The following MYO7B variants were observed in gnomAD, a reference collection of about 807,000 sequenced individuals.
The protein encoded by MYO7B is myosin VIIB, also known as unconventional myosin-VIIb.
A neutral mutation model predicts 259.7 loss-of-function variants in MYO7B; 212 were observed. The ratio of observed to expected loss-of-function variants is 0.82; its 90% CI spans 0.73 to 0.91. The LOEUF (loss-of-function observed/expected upper bound fraction) is 0.91. Among genes scored for constraint, MYO7B ranks in the 40% least tolerant of loss-of-function variants. The pLI is 0.00. For missense variants in MYO7B, 2,732 were observed against 2,813.5 expected (o/e 0.97, Z 0.66); for synonymous variants, 1,197 against 1,166.4 (o/e 1.03, Z -0.54).
intron 30 of MYO7B, 117 bp downstream of exon 30, chr2:127,624,437 T>C (rs1573710317): frequency 8.5e-6 from 7 of 825,266 alleles, no homozygotes; most frequent in South Asian, 3.5e-5. Context: ...GGAAAGGGGG[T>C]CACAAGGGTG....
chr2:127,619,822 C>T (rs1388765626), intron 26 of MYO7B, among the ~76,000 whole-genome samples: 1 of 152,036 alleles, frequency 6.6e-6, no homozygotes, highest in Non-Finnish European at 1.5e-5. Context: ...GAGAACCGCC[C>T]CCAACACACC....
At chr2:127,555,360 G>A (rs1384335255) in intron 1 of MYO7B, among the ~76,000 whole-genome samples, 2 of 152,070 alleles carry the variant, frequency 1.3e-5, no homozygotes, top group Non-Finnish European at 2.9e-5. Flanking sequence ...TCTTTTGTGG[G>A]TTTTTGTTGT....
In MYO7B at chr2:127,632,265, T is replaced by C; in HGVS notation, c.5269T>C (p.Trp1757Arg). 1 of 1,611,990 alleles carries C rather than the reference T, an allele frequency of 6.2e-7. No individual in the cohort carries two copies. The highest frequency in any genetic ancestry group is 8.5e-7 in the Non-Finnish European group (1 of 1,179,578). The change falls in exon 39 of 48, where the codon TGG (tryptophan) becomes CGG (arginine). Residue 1757 changes from tryptophan to arginine, a missense_variant. Physicochemically the swap from Trp to Arg is moderately radical, Grantham distance 101. Around this residue, in one of 3 missense-constraint regions of MYO7B, gnomAD observed 821 missense variants for 769.3 expected, o/e 1.07. Coordinates refer to ENST00000409816, the MANE Select transcript of MYO7B (RefSeq NM_001393586.1). ...CTTCAGGCACAGCGAAGAGCGGGGC[T>C]GGCAGCTGCTGTGGCTGTGCACGGG... is the stretch of plus-strand genomic sequence containing the variant. Reference protein sequence around the residue: ...NSNRHSEERGWQLLWLCTGLF... With the variant: ...NSNRHSEERGRQLLWLCTGLF...
At chr2:127,564,105 G>A in intron 2 of MYO7B, 48 bp from the exon 3 acceptor site, 1 of 1,316,012 alleles carries the variant, frequency 7.6e-7, no homozygotes, top group Non-Finnish European at 1.1e-6. Flanking sequence ...CAGCAGGGAG[G>A]GGAAGAGAGA....
chr2:127,635,727 G>A lies in MYO7B; in HGVS notation c.5826G>A (p.Leu1942=). The part of the protein sequence containing the change: ...ADTILHYHQE[L]PKYLRGFHKC... ...CCAGTGTGTCCATCACCCAGGAGCT[G>A]CCCAAGTACCTGCGCGGATTCCACA... is the stretch of plus-strand genomic sequence containing the variant. The change falls in exon 44 of 48, where the codon CTG becomes CTA. Residue 1942 remains leucine, a synonymous_variant. Coordinates refer to ENST00000409816, the MANE Select transcript of MYO7B (RefSeq NM_001393586.1). 2 of 1,601,150 alleles carry A rather than the reference G, an allele frequency of 1.2e-6. No homozygotes were observed. Among genetic ancestry groups the A allele is most frequent in the African/African-American group, 1.3e-5 (1 of 74,740 alleles).
At position 127,584,197 on chromosome 2, in the gene MYO7B, G is replaced by A. The variant is rs181001303; in HGVS notation, c.1419G>A (p.Glu473=). 8 of 1,613,982 alleles carry A rather than the reference G, an allele frequency of 5.0e-6. No individual in the cohort carries two copies. The South Asian group carries it at 7.7e-5, about 16-fold the overall frequency. Residue 473 remains glutamate (E), a synonymous_variant, in exon 13 of 48, where the codon GAG becomes GAA. Transcript: ENST00000409816. The surrounding 1 kb of genome is among the most constrained non-coding windows in gnomAD (Gnocchi z 5.8). ...QFFVQHVFTM[E]QEEYRSENIS... ...TTGTGCAGCACGTGTTCACCATGGA[G>A]CAAGAGGAGTACCGCTCGGAGAACA...
intron 1 of MYO7B, among the ~76,000 whole-genome samples, chr2:127,545,492 G>A (rs976537391): frequency 6.6e-6 from 1 of 152,226 alleles, no homozygotes; most frequent in Admixed American, 6.5e-5. Flanking sequence ...GCCTCGAGCA[G>A]CCTCAACTCT....
chr2:127,627,469 A>G lies in MYO7B; in HGVS notation c.4460+159A>G. 2.0e-6 allele frequency: 2 copies of G among 1,001,210 alleles called. No individual in the cohort carries two copies. The highest frequency in any genetic ancestry group is 2.0e-5 in the Admixed American group (1 of 49,478). 62.0% of individuals were successfully genotyped at this position (1,001,210 alleles called of 1,614,324 possible). On this transcript the variant is annotated intron_variant, in intron 33 of 47. Coordinates refer to ENST00000409816, the MANE Select transcript of MYO7B (RefSeq NM_001393586.1). The surrounding 1 kb of genome is among the most constrained non-coding windows in gnomAD (Gnocchi z 5.6). ...GTATGCGATGGCTTCTGTACTTCGG[A>G]GCCCCACCCTCCTGCACCAGGCCGT... is the stretch of plus-strand genomic sequence containing the variant.
intron 31 of MYO7B, chr2:127,626,194 C>T (rs766046691): frequency 6.6e-6 from 1 of 152,306 alleles, no homozygotes; most frequent in Non-Finnish European, 1.5e-5. Context: ...AGGAAGGAGA[C>T]TGGAAGACAA....
rs1678287121 is a variant in MYO7B at position 127,565,333 on chromosome 2, A to ATC, written c.233_234insTC (p.Glu78AspfsTer10). 6.2e-7 allele frequency: 1 copy of ATC among 1,613,916 alleles called. No homozygotes were observed. Among genetic ancestry groups the ATC allele is most frequent in the Non-Finnish European group, 8.5e-7 (1 of 1,179,890 alleles). ...ATGATCCGCCTGGGGGACCTGAACG[A>ATC]GGCAGGCATGGTGCACAACCTCCTG... On this transcript the variant is annotated frameshift_variant, in exon 4 of 48. Coordinates refer to ENST00000409816, the MANE Select transcript of MYO7B (RefSeq NM_001393586.1). LOFTEE classifies it high-confidence loss of function.
intron 1 of MYO7B, among the ~76,000 whole-genome samples, chr2:127,547,107 T>G (rs950781993): frequency 6.6e-6 from 1 of 152,028 alleles, no homozygotes; most frequent in African/African-American, 2.4e-5. Context: ...AACCCATCCA[T>G]CCATTTACCT....
rs552512821 is a variant in MYO7B, at chr2:127,632,369, C to T, written c.5373C>T (p.Pro1791=). 284 of 1,582,650 alleles carry T rather than the reference C, an allele frequency of 1.8e-4. 2 individuals are homozygous for T. The South Asian group carries it at 2.5e-3, about 14-fold the overall frequency. ...CTCGGAGGGGGAAGCTGCTGGCCCC[C>T]GACTGCAGCCGCCGAATCCAGAAGG... ...IDTRRGKLLA[P]DCSRRIQKVL... The change falls in exon 39 of 48, where the codon CCC becomes CCT. Residue 1791 remains proline, a synonymous_variant. Coordinates refer to ENST00000409816, the MANE Select transcript of MYO7B (RefSeq NM_001393586.1).
rs562444344 is a variant in MYO7B at position 127,565,750 on chromosome 2, C to T, written c.285+365C>T. On this transcript the variant is annotated intron_variant, in intron 4 of 47. Coordinates refer to ENST00000409816, the MANE Select transcript of MYO7B (RefSeq NM_001393586.1). ...GGCCTCCCAAGAGTGAGGCCCGTGA[C>T]AGCCCAGATCCCAAGGTCCTGATTC... Among the ~76,000 whole-genome samples the T allele has an allele frequency of 3.3e-5, 5 of 152,342 alleles. No homozygotes were observed. In the South Asian group the frequency reaches 1.0e-3, roughly 32 times the overall value.
At chr2:127,554,275 T>A (rs559589943) in intron 1 of MYO7B, among the ~76,000 whole-genome samples, 12 of 152,240 alleles carry the variant, frequency 7.9e-5, no homozygotes, top group African/African-American at 2.9e-4. Context: ...GGTTTCTCCA[T>A]GTTGGTCAGG....
rs1679657089 is a variant in MYO7B at position 127,593,655 on chromosome 2, G to A, written c.2244+11G>A. On this transcript the variant is annotated intron_variant, in intron 18 of 47. Transcript: ENST00000409816. The stretch of plus-strand genomic sequence containing the variant: ...AAAATTTTCCTGAGGGTGAGACCCC[G>A]AGGAACCAGCCAGCTGTCGGCCTCC... 1 of 1,612,512 alleles carries A rather than the reference G, an allele frequency of 6.2e-7. No homozygotes were observed. The highest frequency in any genetic ancestry group is 8.5e-7 in the Non-Finnish European group (1 of 1,179,014).
rs1176525782 is a variant in MYO7B, at chr2:127,632,313, C to CTGCT, written c.5318_5321dup (p.Pro1775AlafsTer61). On this transcript the variant is annotated frameshift_variant, in exon 39 of 48. Coordinates refer to ENST00000409816, the MANE Select transcript of MYO7B (RefSeq NM_001393586.1). LOFTEE classifies it high-confidence loss of function. The stretch of plus-strand genomic sequence containing the variant: ...GGGCCTCTTCCCGCCCAGCAAGGGG[C>CTGCT]TGCTGCCCCATGCCCAGAAGTTTAT... 1 of 1,610,222 alleles carries CTGCT rather than the reference C, an allele frequency of 6.2e-7. No homozygotes were observed. The highest frequency in any genetic ancestry group is 8.5e-7 in the Non-Finnish European group (1 of 1,178,958).
At chr2:127,544,875 C>T (rs1241853681) in intron 1 of MYO7B, among the ~76,000 whole-genome samples, 2 of 151,524 alleles carry the variant, frequency 1.3e-5, no homozygotes, top group East Asian at 1.9e-4. Context: ...ACACCGCGCC[C>T]GGCCACGTCT....
At chr2:127,594,217 C>G (rs1480080779) in intron 18 of MYO7B, among the ~76,000 whole-genome samples, 1 of 152,262 alleles carries the variant, frequency 6.6e-6, no homozygotes. Context: ...AGCTTCGGGG[C>G]CCTCCAGAAG....
intron 26 of MYO7B, among the ~76,000 whole-genome samples, 200 bp downstream of exon 26, chr2:127,612,803 AC>A (rs1216566439): frequency 6.6e-6 from 1 of 152,012 alleles, no homozygotes; most frequent in African/African-American, 2.4e-5. Context: ...CATGAGTAAA[AC>A]CCGGTTTTAG....
Sources: gnomAD v4.1 joint callset for allele counts (sites outside exome capture counted in the v4.1 genomes callset) on GRCh38, gnomAD v4.1.1 for gene constraint, gnomAD v4.1.1 regional missense constraint, Gnocchi (gnomAD v3.1) non-coding constraint, MANE v1.5 for transcripts, NCBI Gene and HGNC (gene_info 2026-07-23, HGNC 2026-07-21) for gene names.